Variants in METTL15 observed in about 807,000 individuals in gnomAD.
METTL15 encodes the protein 12S rRNA N(4)-cytidine methyltransferase METTL15.
METTL15 carries 34 observed loss-of-function variants against 38.3 expected under a neutral mutation model. The observed-to-expected ratio is 0.89, with a 90% CI of 0.68 to 1.18. The LOEUF (loss-of-function observed/expected upper bound fraction) is 1.18, where lower values mean the gene tolerates loss of function less well. METTL15 is among the 50% of genes most tolerant of loss of function. The pLI is 0.00. For synonymous variants in METTL15, 162 were observed against 170.9 expected (o/e 0.95, Z 0.41); for missense variants, 438 against 498.4 (o/e 0.88, Z 1.15).
chr11:28,274,692 C>A (rs1396554867), intron 4 of METTL15, among the ~76,000 whole-genome samples: 1 of 151,920 alleles, frequency 6.6e-6, no homozygotes, highest in East Asian at 1.9e-4. Context: ...TTCCATTATA[C>A]ATCTTCCTTT....
chr11:28,199,343 T>C (rs945711646), intron 3 of METTL15, among the ~76,000 whole-genome samples: 1 of 152,170 alleles, frequency 6.6e-6, no homozygotes, highest in African/African-American at 2.4e-5. Context: ...TCAATTTTTC[T>C]TATATTTGTA....
intron 4 of METTL15, among the ~76,000 whole-genome samples, chr11:28,223,677 C>T (rs1853348201): frequency 6.6e-6 from 1 of 152,126 alleles, no homozygotes; most frequent in South Asian, 2.1e-4. Flanking sequence ...TAGAAACTAA[C>T]ATTTTTACAG....
chr11:28,448,984 C>G (rs1851097273), intron 6 of METTL15, among the ~76,000 whole-genome samples: 2 of 152,128 alleles, frequency 1.3e-5, no homozygotes, highest in South Asian at 4.1e-4. Context: ...AGTAAAATGC[C>G]TTAAAATATG....
intron 3 of METTL15, among the ~76,000 whole-genome samples, chr11:28,345,685 A>G (rs1410672155): frequency 2.0e-5 from 3 of 152,206 alleles, no homozygotes; most frequent in African/African-American, 7.2e-5. Flanking sequence ...CTAAAGGACC[A>G]GTGGATTTGG....
At chr11:28,133,339 C>A (rs542780206) in intron 3 of METTL15, among the ~76,000 whole-genome samples, 153 of 152,206 alleles carry the variant, frequency 1.0e-3, no homozygotes, top group African/African-American at 1.9e-3. Context: ...GTGTTAAAAA[C>A]CTTCAAGACA....
intron 3 of METTL15, among the ~76,000 whole-genome samples, chr11:28,161,857 T>C (rs1277646434): frequency 6.6e-6 from 1 of 151,982 alleles, no homozygotes. Flanking sequence ...AAAATGAAAA[T>C]TACAATTTCA....
chr11:28,148,646 C>T (rs1849971697), intron 3 of METTL15, among the ~76,000 whole-genome samples: 1 of 151,908 alleles, frequency 6.6e-6, no homozygotes, highest in Non-Finnish European at 1.5e-5. Flanking sequence ...GCTTTTTATA[C>T]CTAAGCTAAA....
At position 28,290,413 on chromosome 11, in the gene METTL15, G is replaced by A. The variant is rs765081914; in HGVS notation, c.599+16G>A. Reference sequence around the variant, plus strand: ...ATGGTGGCAGGTGAGTATTCATAAAGCATTTCATCTCACAACAAGAAATCA... The same window carrying A: ...ATGGTGGCAGGTGAGTATTCATAAAACATTTCATCTCACAACAAGAAATCA... On this transcript the variant is annotated intron_variant, in intron 5 of 6. Coordinates refer to ENST00000407364, the MANE Select transcript of METTL15 (RefSeq NM_001113528.2). 6.3e-7 allele frequency: 1 copy of A among 1,580,450 alleles called. No individual in the cohort carries two copies. Among genetic ancestry groups the A allele is most frequent in the African/African-American group, 1.4e-5 (1 of 73,504 alleles).
Position 28,331,471 on chromosome 11 carries a change from A to G in METTL15, c.*630A>G, listed in dbSNP as rs561409382. ...TTCATCTATCGCAAAGTAAAAATGT[A>G]AAATCCTTACAGAGAATTGTTTCAC... On this transcript the variant is annotated 3_prime_UTR_variant, in exon 7 of 7. Coordinates refer to ENST00000407364, the MANE Select transcript of METTL15 (RefSeq NM_001113528.2). The G allele has an allele frequency of 6.6e-6, 1 of 152,206 alleles. No individual in the cohort carries two copies. The highest frequency in any genetic ancestry group is 2.1e-4 in the South Asian group (1 of 4,830). The allele number at this position is 152,206 out of a possible 1,614,324, so 9.4% of individuals were successfully genotyped here.
At chr11:28,150,806 C>T (rs1850056398) in intron 3 of METTL15, among the ~76,000 whole-genome samples, 1 of 151,600 alleles carries the variant, frequency 6.6e-6, no homozygotes, top group African/African-American at 2.4e-5. Context: ...TTCTATGAGT[C>T]TTTATTTATC....
intron 3 of METTL15, among the ~76,000 whole-genome samples, chr11:28,204,435 C>CT (rs59729387): frequency 0.41 from 32,689 of 79,686 alleles, 9,395 homozygotes; most frequent in Non-Finnish European, 0.49. Context: ...CTGAGTTTTC[C>CT]TTTTTTTTTT....
intron 6 of METTL15, among the ~76,000 whole-genome samples, chr11:28,525,545 G>C (rs543031831): frequency 6.6e-6 from 1 of 151,908 alleles, no homozygotes; most frequent in Non-Finnish European, 1.5e-5. Context: ...GTCCCCACCA[G>C]ATACCAGATC....
intron 3 of METTL15, among the ~76,000 whole-genome samples, chr11:28,140,796 T>C (rs541233942): frequency 1.3e-3 from 204 of 152,334 alleles, no homozygotes; most frequent in African/African-American, 4.8e-3. Context: ...TGTTCCCTAC[T>C]TGTATAAGGT....
intron 6 of METTL15, among the ~76,000 whole-genome samples, chr11:28,480,659 G>A (rs1851387421): frequency 6.6e-6 from 1 of 152,140 alleles, no homozygotes; most frequent in Non-Finnish European, 1.5e-5. Flanking sequence ...ACTGTCAGGG[G>A]TAAGGCCTTG....
At chr11:28,131,042 C>T (rs1172234077) in intron 3 of METTL15, among the ~76,000 whole-genome samples, 2 of 151,934 alleles carry the variant, frequency 1.3e-5, no homozygotes, top group African/African-American at 4.8e-5. Flanking sequence ...ATTCCTGTAG[C>T]TCACCCATTA....
At chr11:28,337,268 T>G (rs1485468624), downstream of METTL15, among the ~76,000 whole-genome samples, 1 of 152,060 alleles carries the variant, frequency 6.6e-6, no homozygotes, top group African/African-American at 2.4e-5. Flanking sequence ...TGTTTTAATT[T>G]TAATTTTTTT....
intron 6 of METTL15, among the ~76,000 whole-genome samples, chr11:28,481,577 A>T (rs1851395696): frequency 6.6e-6 from 1 of 151,988 alleles, no homozygotes; most frequent in Non-Finnish European, 1.5e-5. Flanking sequence ...ATCCAATGGG[A>T]GGGGTAGCTT....
intron 6 of METTL15, among the ~76,000 whole-genome samples, chr11:28,524,451 C>T (rs76490368): frequency 0.041 from 6,198 of 152,216 alleles, 411 homozygotes; most frequent in African/African-American, 0.14. Flanking sequence ...TAATCTTGGG[C>T]ATAGTCACTA....
In METTL15 at chr11:28,333,178, A is replaced by T. The variant is rs1429904018; in HGVS notation, c.*2337A>T. 14 of 151,820 alleles carry T rather than the reference A, an allele frequency of 9.2e-5. No homozygotes were observed. Among genetic ancestry groups the T allele is most frequent in the Admixed American group, 9.2e-4 (14 of 15,248 alleles). 9.4% of individuals were successfully genotyped at this position (151,820 alleles called of 1,614,324 possible). ...TGTTTTAAGGTACCCAGTTCATGGT[A>T]ATTTGTTACAGCAATCCTAGGAAGC... On this transcript the variant is annotated 3_prime_UTR_variant, in exon 7 of 7. Coordinates refer to ENST00000407364, the MANE Select transcript of METTL15 (RefSeq NM_001113528.2).
Sources: gnomAD v4.1 joint callset for allele counts (sites outside exome capture counted in the v4.1 genomes callset) on GRCh38, gnomAD v4.1.1 for gene constraint, MANE v1.5 for transcripts, NCBI Gene and HGNC (gene_info 2026-07-23, HGNC 2026-07-21) for gene names.